PRKCA: variants seen among roughly 807,000 people sequenced by gnomAD.
The protein encoded by PRKCA is protein kinase C alpha type.
In PRKCA, 27 loss-of-function variants were observed where a neutral mutation model predicts 87.0. The ratio of observed to expected loss-of-function variants is 0.31; its 90% confidence interval spans 0.23 to 0.43. PRKCA has a LOEUF of 0.43. Among genes scored for constraint, PRKCA ranks in the 20% least tolerant of loss-of-function variants. The pLI, the probability that PRKCA is intolerant of heterozygous loss-of-function variation, is 1.00. For missense variants in PRKCA, 518 were observed against 852.3 expected (o/e 0.61, Z 4.88); for synonymous variants, 329 against 311.1 (o/e 1.06, Z -0.61).
At chr17:66,363,859 T>C (rs1908541808) in intron 2 of PRKCA, among the ~76,000 whole-genome samples, 2 of 152,148 alleles carry the variant, frequency 1.3e-5, no homozygotes. Flanking sequence ...CGTGCCACCA[T>C]GCCTGGCTAA....
At chr17:66,776,272 C>T (rs940156475) in intron 14 of PRKCA, among the ~76,000 whole-genome samples, 7 of 152,152 alleles carry the variant, frequency 4.6e-5, no homozygotes, top group African/African-American at 1.4e-4. Context: ...GACTGTGGGG[C>T]ATCAGGTAGA....
intron 8 of PRKCA, among the ~76,000 whole-genome samples, chr17:66,731,528 G>A (rs1454792310): frequency 6.6e-6 from 1 of 151,972 alleles, no homozygotes; most frequent in Non-Finnish European, 1.5e-5. Context: ...TCTTGTGCTG[G>A]GAGACTCAGC....
Position 66,451,688 on chromosome 17 carries a change from C to T in PRKCA, c.206-44513C>T, listed in dbSNP as rs1435673248. On this transcript the variant is annotated intron_variant, in intron 2 of 16. Transcript: ENST00000413366. Reference sequence around the variant, plus strand: ...AGCGCCCCCTAACGGGTGGGTGGAGCAGAGGGAGTGGGGCGAGAGATGGAG... The same window carrying T: ...AGCGCCCCCTAACGGGTGGGTGGAGTAGAGGGAGTGGGGCGAGAGATGGAG... Among the ~76,000 whole-genome samples, 5 of 152,190 alleles carry T rather than the reference C, an allele frequency of 3.3e-5. No individual in the cohort carries two copies. The East Asian group carries it at 9.7e-4, about 29-fold the overall frequency.
intron 3 of PRKCA, among the ~76,000 whole-genome samples, chr17:66,560,745 C>T (rs1032986658): frequency 4.6e-5 from 7 of 152,222 alleles, no homozygotes; most frequent in Non-Finnish European, 8.8e-5. Context: ...ACCTGAGGAA[C>T]TTAAGACTAT....
intron 3 of PRKCA, among the ~76,000 whole-genome samples, chr17:66,510,803 T>G (rs1028837954): frequency 1.3e-5 from 2 of 152,166 alleles, no homozygotes; most frequent in East Asian, 3.8e-4. Flanking sequence ...TGGAGTGCAG[T>G]GGCCCAATCA....
At chr17:66,409,217 G>A (rs1019621794) in intron 2 of PRKCA, among the ~76,000 whole-genome samples, 1 of 152,052 alleles carries the variant, frequency 6.6e-6, no homozygotes, top group Non-Finnish European at 1.5e-5. Flanking sequence ...GATGGAGGCA[G>A]GGGGTGAATA....
chr17:66,316,970 G>A (rs982708109), intron 2 of PRKCA, among the ~76,000 whole-genome samples: 9 of 152,094 alleles, frequency 5.9e-5, no homozygotes, highest in Admixed American at 1.3e-4. Context: ...GTGAAACCCC[G>A]TCTCTACTAA....
chr17:66,754,622 G>C (rs191568243), intron 13 of PRKCA, among the ~76,000 whole-genome samples: 5 of 152,234 alleles, frequency 3.3e-5, no homozygotes, highest in African/African-American at 1.2e-4. Context: ...TGAAAAACTC[G>C]GTGGGGGAAA....
At chr17:66,761,711 A>G (rs1412701559) in intron 13 of PRKCA, among the ~76,000 whole-genome samples, 4 of 151,688 alleles carry the variant, frequency 2.6e-5, no homozygotes, top group African/African-American at 4.8e-5. Flanking sequence ...AATGTGAGCC[A>G]CTGTGCCCGG....
At chr17:66,638,101 G>T (rs1598834807) in intron 3 of PRKCA, among the ~76,000 whole-genome samples, 1 of 148,244 alleles carries the variant, frequency 6.7e-6, no homozygotes, top group East Asian at 2.0e-4. Flanking sequence ...TGGTGGACTT[G>T]TTTCTAAAAT....
chr17:66,780,836 GGT>G (rs1376767041), intron 14 of PRKCA, among the ~76,000 whole-genome samples: 2 of 152,108 alleles, frequency 1.3e-5, no homozygotes, highest in Admixed American at 6.5e-5. Flanking sequence ...GGCCAGGCGT[GGT>G]GACACACACC....
At chr17:66,558,377 A>G (rs192551288) in intron 3 of PRKCA, among the ~76,000 whole-genome samples, 38 of 150,518 alleles carry the variant, frequency 2.5e-4, no homozygotes, top group African/African-American at 8.9e-4. Context: ...CTGGTAAGGA[A>G]TAGGAGAAGA....
chr17:66,563,987 C>T (rs904130830), intron 3 of PRKCA, among the ~76,000 whole-genome samples: 1 of 128,320 alleles, frequency 7.8e-6, no homozygotes, highest in African/African-American at 3.0e-5. Flanking sequence ...TCCTTCCTTC[C>T]TTCCTTCCTT....
rs185445270 is a variant in PRKCA at position 66,624,249 on chromosome 17, T to C, written c.289-17106T>C. On this transcript the variant is annotated intron_variant, in intron 3 of 16. Coordinates refer to ENST00000413366, the MANE Select transcript of PRKCA (RefSeq NM_002737.3). ...AGATATGGGGCTGTAAGGCCTGGCT[T>C]AGTCTGGTAAAGTGGGGTTAGCATG... is the stretch of plus-strand genomic sequence containing the variant. 2.5e-4 allele frequency among the ~76,000 whole-genome samples: 38 copies of C among 151,600 alleles called. No homozygotes were observed. In the East Asian group the frequency reaches 6.5e-3, roughly 26 times the overall value.
At chr17:66,496,796 A>G (rs1291789694) in intron 3 of PRKCA, among the ~76,000 whole-genome samples, 2 of 152,126 alleles carry the variant, frequency 1.3e-5, no homozygotes, top group African/African-American at 2.4e-5. Flanking sequence ...GATGTGCACC[A>G]CCACGCACAG....
chr17:66,406,585 G>T (rs916009024), intron 2 of PRKCA, among the ~76,000 whole-genome samples: 145 of 70,194 alleles, frequency 2.1e-3, no homozygotes, highest in Non-Finnish European at 3.1e-3. Context: ...GCTTTTCCAG[G>T]TTTTTTTTTT....
intron 2 of PRKCA, among the ~76,000 whole-genome samples, chr17:66,353,765 A>G (rs1907892041): frequency 6.6e-6 from 1 of 152,206 alleles, no homozygotes; most frequent in African/African-American, 2.4e-5. Context: ...GTAGAAAATA[A>G]TTTGGAAATG....
In PRKCA at chr17:66,774,061, C is replaced by T. The variant is rs372716782; in HGVS notation, c.1599C>T (p.Ala533=). Residue 533 remains alanine (A), a synonymous_variant, in exon 14 of 17, where the codon GCC becomes GCT. Coordinates refer to ENST00000413366, the MANE Select transcript of PRKCA (RefSeq NM_002737.3). ...GCGTCCTGTTGTATGAAATGCTTGC[C>T]GGGCAGGTAATGTTTTGCTACATTT... ...AYGVLLYEML[A]GQPPFDGEDE... 42 of 1,613,842 alleles carry T rather than the reference C, an allele frequency of 2.6e-5. No individual in the cohort carries two copies. Among genetic ancestry groups the T allele is most frequent in the Non-Finnish European group, 3.1e-5 (36 of 1,179,992 alleles).
At chr17:66,766,964 A>AAT (rs1235941187) in intron 13 of PRKCA, among the ~76,000 whole-genome samples, 1 of 152,170 alleles carries the variant, frequency 6.6e-6, no homozygotes, top group Non-Finnish European at 1.5e-5. Flanking sequence ...AAACAACTGA[A>AAT]ATGATGCTTT....
Sources: allele counts gnomAD v4.1 joint callset (sites outside exome capture counted in the v4.1 genomes callset), GRCh38; gene constraint gnomAD v4.1.1; transcripts MANE v1.5; gene names NCBI Gene and HGNC (gene_info 2026-07-23, HGNC 2026-07-21).